Variants in USP25 observed in about 807,000 individuals in gnomAD.
USP25 encodes ubiquitin carboxyl-terminal hydrolase 25.
In USP25, 85 loss-of-function variants were observed where a neutral mutation model predicts 158.5. The ratio of observed to expected loss-of-function variants is 0.54; its 90% CI spans 0.45 to 0.64. USP25 has a LOEUF of 0.64. Ranked by LOEUF, USP25 falls within the 30% of genes least tolerant of loss-of-function variation. USP25 has a pLI of 0.00. For synonymous variants in USP25, 464 were observed against 460.4 expected (o/e 1.01, Z -0.10); for missense variants, 1,242 against 1,327.3 (o/e 0.94, Z 1.00).
chr21:15,823,751 T>G (rs79100720), intron 10 of USP25, among the ~76,000 whole-genome samples: 2,252 of 152,252 alleles, frequency 0.015, 59 homozygotes, highest in African/African-American at 0.052. Flanking sequence ...ACCAGTGTCT[T>G]TTTCTTTGGG....
intron 17 of USP25, 39 bp from the exon 18 acceptor site, chr21:15,842,359 G>T (rs377441996): frequency 5.0e-6 from 8 of 1,599,094 alleles, no homozygotes; most frequent in East Asian, 2.2e-5. Context: ...AGACTCTGTG[G>T]TTTATATTAG....
chr21:15,814,848 A>G (rs983275714), intron 9 of USP25, among the ~76,000 whole-genome samples: 1 of 152,134 alleles, frequency 6.6e-6, no homozygotes, highest in Admixed American at 6.5e-5. Flanking sequence ...TTTGAGGAGA[A>G]ATTCAAGTCG....
At chr21:15,869,248 CA>C (rs11300775) in intron 22 of USP25, among the ~76,000 whole-genome samples, 30,805 of 100,492 alleles carry the variant, frequency 0.31, 4,056 homozygotes, top group African/African-American at 0.5. Context: ...ACCCTGTCTC[CA>C]AAAAAAAAAA....
intron 5 of USP25, among the ~76,000 whole-genome samples, chr21:15,793,097 G>A (rs1416333683): frequency 6.6e-6 from 1 of 151,536 alleles, no homozygotes; most frequent in Non-Finnish European, 1.5e-5. Flanking sequence ...TTAAGGCTCT[G>A]AACTGAGTGC....
chr21:15,871,904 T>A (rs909017507), intron 23 of USP25, among the ~76,000 whole-genome samples: 40 of 150,304 alleles, frequency 2.7e-4, no homozygotes, highest in Non-Finnish European at 4.3e-4. Context: ...GGCAGGAGAA[T>A]CACTTGAACC....
Position 15,808,714 on chromosome 21 carries a change from T to C in USP25, c.781-95T>C, listed in dbSNP as rs538586897. 23 of 790,588 alleles carry C rather than the reference T, an allele frequency of 2.9e-5. No individual in the cohort carries two copies. In the South Asian group the frequency reaches 4.6e-4, roughly 16 times the overall value. The allele number at this position is 790,588 out of a possible 1,614,324, so 49.0% of individuals were successfully genotyped here. ...TATCTTTGTAAGGAGTTGGTAATTA[T>C]ATATTTCAACAACTGGCTCTAGGTT... On this transcript the variant is annotated intron_variant, in intron 7 of 25. Transcript: ENST00000400183.
chr21:15,745,473 C>CTTTTTTTTTTTT (rs11284817), intron 1 of USP25, among the ~76,000 whole-genome samples: 96 of 112,978 alleles, frequency 8.5e-4, no homozygotes, highest in Middle Eastern at 5.8e-3. Context: ...TTTTTCTTTT[C>CTTTTTTTTTTTT]TTTTTTTTTT....
At chr21:15,778,706 T>G (rs1258082463) in intron 4 of USP25, among the ~76,000 whole-genome samples, 1 of 152,122 alleles carries the variant, frequency 6.6e-6, no homozygotes, top group Non-Finnish European at 1.5e-5. Flanking sequence ...AAAATACATT[T>G]GGTTTTCATA....
intron 23 of USP25, among the ~76,000 whole-genome samples, chr21:15,873,023 CTAGA>C (rs1415491731): frequency 6.6e-6 from 1 of 151,838 alleles, no homozygotes; most frequent in Non-Finnish European, 1.5e-5. Context: ...AAATACTTGG[CTAGA>C]TATAGTTTTT....
At chr21:15,731,024 A>G (rs2030825716) in intron 1 of USP25, among the ~76,000 whole-genome samples, 1 of 124,964 alleles carries the variant, frequency 8.0e-6, no homozygotes, top group Non-Finnish European at 1.6e-5. Flanking sequence ...TGTCCCTAAG[A>G]GAGGAAACCT....
chr21:15,862,576 T>G (rs2039473485), intron 20 of USP25, among the ~76,000 whole-genome samples: 1 of 150,786 alleles, frequency 6.6e-6, no homozygotes, highest in East Asian at 1.9e-4. Flanking sequence ...TCCCCGTTTT[T>G]TTTTTTTTTT....
At chr21:15,845,632 G>T (rs2038547866) in intron 18 of USP25, among the ~76,000 whole-genome samples, 1 of 152,084 alleles carries the variant, frequency 6.6e-6, no homozygotes, top group African/African-American at 2.4e-5. Context: ...TGTTTTGTAA[G>T]GATTAATATT....
rs778994809 is a variant in USP25, at chr21:15,849,643, A to G, written c.2452-134A>G. On this transcript the variant is annotated intron_variant, in intron 19 of 25. Transcript: ENST00000400183. The stretch of plus-strand genomic sequence containing the variant: ...GATCTTAAAAGGTGCTTACATGCAT[A>G]TTGGATTAAATTTGGTATTAAAAGT... The G allele has an allele frequency of 2.0e-5, 13 of 641,130 alleles. No individual in the cohort carries two copies. In the Admixed American group the frequency reaches 2.7e-4, roughly 13 times the overall value. The allele number at this position is 641,130 out of a possible 1,614,324, so 39.7% of individuals were successfully genotyped here.
chr21:15,773,719 C>T (rs962571466), intron 3 of USP25, among the ~76,000 whole-genome samples: 1 of 152,112 alleles, frequency 6.6e-6, no homozygotes, highest in Non-Finnish European at 1.5e-5. Context: ...TTGAGAACCT[C>T]AGAGCTTTTG....
rs142929733 is a variant in USP25 at position 15,774,362 on chromosome 21, A to G, written c.269-3542A>G. On this transcript the variant is annotated intron_variant, in intron 3 of 25. Transcript: ENST00000400183. ...TATCACCACTCATATACAAGCCTTTAAGTATTGAGAAGATATCAAGCTCAC... is the reference window on the plus strand; with the variant it reads ...TATCACCACTCATATACAAGCCTTTGAGTATTGAGAAGATATCAAGCTCAC... 2.0e-5 allele frequency among the ~76,000 whole-genome samples: 3 copies of G among 152,320 alleles called. No individual in the cohort carries two copies. In the East Asian group the frequency reaches 5.8e-4, roughly 29 times the overall value.
chr21:15,775,800 A>C lies in USP25; in HGVS notation c.269-2104A>C, dbSNP rs111619360. ...TCCATGTCTCGTGTTAGTGCATTCT[A>C]ATGGATGAGGCCTAAGTTTCATCCA... On this transcript the variant is annotated intron_variant, in intron 3 of 25. Transcript: ENST00000400183. Among the ~76,000 whole-genome samples, 146 of 123,522 alleles carry C rather than the reference A, an allele frequency of 1.2e-3. 1 individual carries two copies. Among genetic ancestry groups the C allele is most frequent in the African/African-American group, 4.4e-3 (142 of 32,056 alleles). 81.0% of individuals were successfully genotyped at this position (123,522 alleles called of 152,430 possible).
At chr21:15,818,401 ATATT>A (rs929919111) in intron 9 of USP25, among the ~76,000 whole-genome samples, 1 of 152,186 alleles carries the variant, frequency 6.6e-6, no homozygotes, top group Non-Finnish European at 1.5e-5. Context: ...ACTGCTGTAT[ATATT>A]CCCAGTGTTC....
chr21:15,768,485 A>G (rs2034164956), intron 3 of USP25, among the ~76,000 whole-genome samples: 1 of 152,110 alleles, frequency 6.6e-6, no homozygotes, highest in Non-Finnish European at 1.5e-5. Context: ...AGGTATTAAA[A>G]AAATACTCTT....
At chr21:15,859,505 GT>G (rs1177466300) in intron 20 of USP25, among the ~76,000 whole-genome samples, 4 of 151,990 alleles carry the variant, frequency 2.6e-5, no homozygotes, top group African/African-American at 9.7e-5. Context: ...GCTTTCTCTT[GT>G]TTTTCTGGCT....
Sources: gnomAD v4.1 joint callset for allele counts (sites outside exome capture counted in the v4.1 genomes callset) on GRCh38, gnomAD v4.1.1 for gene constraint, MANE v1.5 for transcripts, NCBI Gene and HGNC (gene_info 2026-07-23, HGNC 2026-07-21) for gene names.